The following ST6GALNAC3 variants were observed in gnomAD, a reference collection of about 807,000 sequenced individuals.
The protein encoded by ST6GALNAC3 is ST6 N-acetylgalactosaminide alpha-2,6-sialyltransferase 3.
In ST6GALNAC3, 25 loss-of-function variants were observed where a neutral mutation model predicts 32.7. That is an observed-to-expected ratio of 0.76 (90% CI 0.56 to 1.07). The LOEUF (loss-of-function observed/expected upper bound fraction) is 1.07. ST6GALNAC3 is among the 50% of genes least tolerant of loss of function. The pLI is 0.00. For missense variants in ST6GALNAC3, 355 were observed against 382.4 expected (o/e 0.93, Z 0.60); for synonymous variants, 129 against 133.1 (o/e 0.97, Z 0.21).
chr1:76,444,357 G>A (rs2101524159), intron 3 of ST6GALNAC3, among the ~76,000 whole-genome samples: 1 of 152,246 alleles, frequency 6.6e-6, no homozygotes, highest in Non-Finnish European at 1.5e-5. Flanking sequence ...CACTGGTCTA[G>A]ACATTCACTT....
At chr1:76,383,961 AATTTTT>A (rs2101124509) in intron 2 of ST6GALNAC3, among the ~76,000 whole-genome samples, 1 of 152,278 alleles carries the variant, frequency 6.6e-6, no homozygotes, top group South Asian at 2.1e-4. Context: ...GTACTTGATA[AATTTTT>A]TAAAAGCCAG....
At chr1:76,454,643 A>C (rs138970549) in intron 3 of ST6GALNAC3, among the ~76,000 whole-genome samples, 221 of 152,302 alleles carry the variant, frequency 1.5e-3, no homozygotes, top group African/African-American at 4.9e-3. Context: ...GATTCTGTTG[A>C]GAAATCTGTT....
rs115303120 is a variant in ST6GALNAC3, at chr1:76,277,908, G to C, written c.19-35897G>C. ...ACTAGCTTCTATACATTTACAATGA[G>C]CTTTAAGTCTGGTTACACAAGTCTC... On this transcript the variant is annotated intron_variant, in intron 1 of 4. Coordinates refer to ENST00000328299, the MANE Select transcript of ST6GALNAC3 (RefSeq NM_152996.4). Among the ~76,000 whole-genome samples, 1,077 of 152,110 alleles carry C rather than the reference G, an allele frequency of 7.1e-3. 6 individuals are homozygous for C. Among genetic ancestry groups the C allele is most frequent in the Non-Finnish European group, 0.011 (734 of 67,994 alleles).
intron 3 of ST6GALNAC3, among the ~76,000 whole-genome samples, chr1:76,510,414 GC>G (rs1296634325): frequency 6.6e-6 from 1 of 152,046 alleles, no homozygotes; most frequent in Non-Finnish European, 1.5e-5. Context: ...CAGTCTAGAA[GC>G]CAGCAGCCAG....
intron 2 of ST6GALNAC3, among the ~76,000 whole-genome samples, chr1:76,349,713 T>C (rs1648816370): frequency 6.6e-6 from 1 of 152,202 alleles, no homozygotes; most frequent in African/African-American, 2.4e-5. Context: ...CTCCTCTCTA[T>C]AAAAAAGGAG....
chr1:76,191,165 TCAGGG>T (rs1653873213), intron 1 of ST6GALNAC3, among the ~76,000 whole-genome samples: 1 of 152,084 alleles, frequency 6.6e-6, no homozygotes, highest in African/African-American at 2.4e-5. Context: ...GAGCATGAGG[TCAGGG>T]CATTTGTTTG....
chr1:76,545,341 T>C (rs557774348), intron 3 of ST6GALNAC3, among the ~76,000 whole-genome samples: 1 of 152,232 alleles, frequency 6.6e-6, no homozygotes, highest in Non-Finnish European at 1.5e-5. Context: ...TAGTCATATA[T>C]AGGGTCAAAA....
At chr1:76,530,874 AG>A (rs1663209013) in intron 3 of ST6GALNAC3, among the ~76,000 whole-genome samples, 1 of 152,192 alleles carries the variant, frequency 6.6e-6, no homozygotes, top group Non-Finnish European at 1.5e-5. Context: ...CAAGACAACA[AG>A]GCCAGGGAGC....
intron 1 of ST6GALNAC3, among the ~76,000 whole-genome samples, chr1:76,308,139 T>C (rs1426106864): frequency 6.6e-6 from 1 of 152,144 alleles, no homozygotes; most frequent in African/African-American, 2.4e-5. Flanking sequence ...TAAGTTACAC[T>C]GAACAGTTCA....
intron 3 of ST6GALNAC3, among the ~76,000 whole-genome samples, chr1:76,585,436 G>A (rs1428091948): frequency 1.3e-5 from 2 of 151,950 alleles, no homozygotes; most frequent in African/African-American, 4.8e-5. Context: ...AATCAGGGCT[G>A]AGGGTGGAGA....
intron 3 of ST6GALNAC3, among the ~76,000 whole-genome samples, chr1:76,451,061 G>A (rs980175449): frequency 6.6e-6 from 1 of 152,078 alleles, no homozygotes; most frequent in Non-Finnish European, 1.5e-5. Flanking sequence ...ATGAATTTTA[G>A]GATTGTTTTT....
At chr1:76,474,214 A>C (rs2101634681) in intron 3 of ST6GALNAC3, among the ~76,000 whole-genome samples, 1 of 152,290 alleles carries the variant, frequency 6.6e-6, no homozygotes, top group African/African-American at 2.4e-5. Context: ...TAAGCAGAAT[A>C]GTTTTGAGAG....
chr1:76,294,547 C>G (rs1660281761), intron 1 of ST6GALNAC3, among the ~76,000 whole-genome samples: 1 of 152,036 alleles, frequency 6.6e-6, no homozygotes, highest in East Asian at 1.9e-4. Flanking sequence ...TTAGCTTTAA[C>G]CTGCCCGGAA....
chr1:76,312,975 A>C (rs1385433471), intron 1 of ST6GALNAC3, among the ~76,000 whole-genome samples: 1 of 152,090 alleles, frequency 6.6e-6, no homozygotes, highest in African/African-American at 2.4e-5. Context: ...TCTCTTCTCA[A>C]TCGGATGCAG....
intron 1 of ST6GALNAC3, among the ~76,000 whole-genome samples, chr1:76,120,381 T>A (rs549154256): frequency 6.6e-6 from 1 of 152,282 alleles, no homozygotes; most frequent in South Asian, 2.1e-4. Flanking sequence ...GATGAGTTTG[T>A]GGGGACAAAA....
chr1:76,596,313 C>T (rs534253341), intron 3 of ST6GALNAC3, among the ~76,000 whole-genome samples: 1 of 152,172 alleles, frequency 6.6e-6, no homozygotes, highest in African/African-American at 2.4e-5. Context: ...CCTGTCTCTC[C>T]AGTTAGACAG....
intron 1 of ST6GALNAC3, among the ~76,000 whole-genome samples, chr1:76,224,276 T>A (rs1356484314): frequency 1.3e-5 from 2 of 152,196 alleles, no homozygotes; most frequent in East Asian, 3.8e-4. Context: ...TCTCCTCCTT[T>A]ATAACACTCA....
intron 1 of ST6GALNAC3, among the ~76,000 whole-genome samples, chr1:76,171,075 AT>A (rs1353144599): frequency 1.3e-5 from 2 of 150,540 alleles, no homozygotes; most frequent in Non-Finnish European, 3.0e-5. Context: ...CTGAACAGTT[AT>A]TCATTGAGAG....
At chr1:76,457,582 T>A (rs1423317206) in intron 3 of ST6GALNAC3, among the ~76,000 whole-genome samples, 2 of 151,784 alleles carry the variant, frequency 1.3e-5, no homozygotes, top group Non-Finnish European at 2.9e-5. Context: ...TAATGCCGCA[T>A]ATCTACAACT....
Sources: gnomAD v4.1 joint callset for allele counts (sites outside exome capture counted in the v4.1 genomes callset) on GRCh38, gnomAD v4.1.1 for gene constraint, MANE v1.5 for transcripts, NCBI Gene and HGNC (gene_info 2026-07-23, HGNC 2026-07-21) for gene names.